Variants in LRP6 observed in about 807,000 individuals in gnomAD.
The protein encoded by LRP6 is LDL receptor related protein 6, also known as low-density lipoprotein receptor-related protein 6.
Under a neutral mutation model 184.1 loss-of-function variants are expected in LRP6, and 43 were observed. The observed-to-expected ratio is 0.23, with a 90% CI of 0.18 to 0.30. The LOEUF is 0.30. Ranked by LOEUF, LRP6 falls within the 10% of genes least tolerant of loss-of-function variation. The pLI, the probability that LRP6 is intolerant of heterozygous loss-of-function variation, is 1.00. For missense variants in LRP6, 1,571 were observed against 2,005.3 expected, an observed-to-expected ratio of 0.78 and a Z score of 4.14; for synonymous variants, 719 against 684.9, an observed-to-expected ratio of 1.05 and a Z score of -0.78.
At chr12:12,235,779 C>T (rs1864916853) in intron 2 of LRP6, among the ~76,000 whole-genome samples, 1 of 151,554 alleles carries the variant, frequency 6.6e-6, no homozygotes, top group South Asian at 2.1e-4. Flanking sequence ...AAAGAGCATA[C>T]CTAGTTTCCA....
intron 16 of LRP6, among the ~76,000 whole-genome samples, chr12:12,136,269 TATTA>T (rs1157892394): frequency 1.3e-5 from 2 of 152,304 alleles, no homozygotes; most frequent in African/African-American, 4.8e-5. Flanking sequence ...AATTCTCCTA[TATTA>T]AGATTTTTAA....
At position 12,267,000 on chromosome 12, in the gene LRP6, C is replaced by G. The variant is rs1329205893; in HGVS notation, c.-265G>C. On this transcript the variant is annotated 5_prime_UTR_variant, in exon 1 of 23. Transcript: ENST00000261349. ...CCCCCGGCGCCCCGCTTCCCCCGCG[C>G]AGCTCCTCATTCAGCCTCTGCCTCG... 1.9e-6 allele frequency: 1 copy of G among 523,740 alleles called. No individual in the cohort carries two copies. Among genetic ancestry groups the G allele is most frequent in the East Asian group, 3.5e-5 (1 of 28,692 alleles). 32.4% of individuals were successfully genotyped at this position (523,740 alleles called of 1,614,324 possible).
At chr12:12,160,157 C>T (rs1862706297) in intron 10 of LRP6, among the ~76,000 whole-genome samples, 193 bp from the exon 11 acceptor site, 1 of 151,942 alleles carries the variant, frequency 6.6e-6, no homozygotes, top group Non-Finnish European at 1.5e-5. Context: ...TTCCATATCC[C>T]AAAAAGGAAG....
At chr12:12,164,919 TAAAAAAAAAAAAAAAAAAAAAAA>T (rs58540250) in intron 8 of LRP6, among the ~76,000 whole-genome samples, 137 bp downstream of exon 8, 5 of 57,074 alleles carry the variant, frequency 8.8e-5, no homozygotes, top group Non-Finnish European at 1.4e-4. Flanking sequence ...CCCTTCTCAG[TAAAAAAAAAAAAAAAAAAAAAAA>T]AAAAAAAAAA....
chr12:12,252,564 C>T (rs576565460), intron 1 of LRP6, among the ~76,000 whole-genome samples: 2 of 152,180 alleles, frequency 1.3e-5, no homozygotes, highest in South Asian at 4.2e-4. Flanking sequence ...CCTCATTGTC[C>T]ATGTCTATTA....
Position 12,135,318 on chromosome 12 carries a change from G to A in LRP6, c.3608-18C>T, listed in dbSNP as rs780830479. ...GTGCTGTCCTGCAAAGAGAAGAGGT[G>A]AGGATGGGGAGAGGAGGGGGAGTGG... is the stretch of plus-strand genomic sequence containing the variant. On this transcript the variant is annotated intron_variant, in intron 16 of 22. Coordinates refer to ENST00000261349, the MANE Select transcript of LRP6 (RefSeq NM_002336.3). 1 of 1,604,104 alleles carries A rather than the reference G, an allele frequency of 6.2e-7. No homozygotes were observed.
chr12:12,164,646 G>A (rs1404366313), intron 8 of LRP6, 84 bp from the exon 9 acceptor site: 53 of 1,358,276 alleles, frequency 3.9e-5, no homozygotes, highest in Middle Eastern at 1.8e-4. Flanking sequence ...TTACTTAAGC[G>A]TTTGGTTCAC....
At position 12,165,155 on chromosome 12, in the gene LRP6, A is replaced by G. The variant is rs752677815; in HGVS notation, c.1686T>C (p.Ser562=). 1.9e-6 allele frequency: 3 copies of G among 1,614,074 alleles called. No homozygotes were observed. The highest frequency in any genetic ancestry group is 2.7e-5 in the African/African-American group (2 of 75,032). ...RRSIERVHKR[S]AEREVIIDQL... is the part of the protein sequence containing the mutation. ...GATCTATGATCACTTCCCTCTCTGC[A>G]CTTCGTTTATGAACTCTTTCAATGC... is the stretch of plus-strand genomic sequence containing the variant. Residue 562 remains serine (S), a synonymous_variant, in exon 8 of 23, where the codon AGT becomes AGC. Transcript: ENST00000261349.
At chr12:12,150,782 G>C in intron 13 of LRP6, 54 bp downstream of exon 13, 1 of 1,575,042 alleles carries the variant, frequency 6.3e-7, no homozygotes, top group Non-Finnish European at 8.7e-7. Flanking sequence ...AGAGTGGTTG[G>C]TGAGTCCAGT....
chr12:12,263,276 A>AAAAAAG lies in LRP6; in HGVS notation c.55+3404_55+3405insCTTTTT, dbSNP rs1555129101. ...GCGAAACTCTGTCTTTAAAAAAAAA[A>AAAAAAG]AAAGAATGTGTGAATCTGGCCGGGC... On this transcript the variant is annotated intron_variant, in intron 1 of 22. Coordinates refer to ENST00000261349, the MANE Select transcript of LRP6 (RefSeq NM_002336.3). 4.1e-5 allele frequency among the ~76,000 whole-genome samples: 6 copies of AAAAAAG among 146,222 alleles called. 1 individual carries two copies. The highest frequency in any genetic ancestry group is 7.5e-5 in the Non-Finnish European group (5 of 66,870).
intron 2 of LRP6, among the ~76,000 whole-genome samples, chr12:12,211,968 A>G (rs779657304): frequency 1.3e-5 from 2 of 152,150 alleles, no homozygotes; most frequent in Non-Finnish European, 2.9e-5. Context: ...GAGCGCCTCT[A>G]AGTTTAATAA....
chr12:12,221,791 A>T (rs1256259170), intron 2 of LRP6, among the ~76,000 whole-genome samples: 1 of 152,228 alleles, frequency 6.6e-6, no homozygotes, highest in East Asian at 1.9e-4. Context: ...AATATTAGCT[A>T]ATCATTAAGC....
intron 2 of LRP6, among the ~76,000 whole-genome samples, chr12:12,209,016 C>G (rs917084533): frequency 6.6e-6 from 1 of 152,194 alleles, no homozygotes; most frequent in Non-Finnish European, 1.5e-5. Context: ...TATCTTTAAA[C>G]AAACAAGTGT....
At chr12:12,230,633 C>T (rs546824695) in intron 2 of LRP6, among the ~76,000 whole-genome samples, 131 of 151,882 alleles carry the variant, frequency 8.6e-4, no homozygotes, top group African/African-American at 3.0e-3. Context: ...ATGAATAATC[C>T]TCAACTATCA....
At chr12:12,142,409 C>T (rs113190507) in intron 15 of LRP6, among the ~76,000 whole-genome samples, 2 of 152,132 alleles carry the variant, frequency 1.3e-5, no homozygotes, top group African/African-American at 2.4e-5. Context: ...CTGGAACCAA[C>T]AAGGAAAAGA....
At chr12:12,126,647 G>C in intron 20 of LRP6, 44 bp downstream of exon 20, 1 of 1,463,992 alleles carries the variant, frequency 6.8e-7, no homozygotes, top group South Asian at 1.1e-5. Context: ...TGGCAGTCTT[G>C]CAGGACCAAA....
chr12:12,123,544 A>G (rs1949632060), intron 22 of LRP6, among the ~76,000 whole-genome samples: 1 of 152,228 alleles, frequency 6.6e-6, no homozygotes, highest in Admixed American at 6.5e-5. Context: ...GATAGAAGAT[A>G]GAAAAGATTA....
At chr12:12,147,120 CA>C (rs1191684542) in intron 15 of LRP6, among the ~76,000 whole-genome samples, 1 of 149,914 alleles carries the variant, frequency 6.7e-6, no homozygotes. Context: ...GACTCCGTCT[CA>C]AAAAAAAAGA....
intron 6 of LRP6, among the ~76,000 whole-genome samples, 185 bp downstream of exon 6, chr12:12,180,858 G>T (rs910958178): frequency 4.6e-5 from 7 of 151,982 alleles, no homozygotes; most frequent in Middle Eastern, 3.2e-3. Flanking sequence ...AGACATCCAA[G>T]GCAAAAAACT....
Sources: allele counts gnomAD v4.1 joint callset (sites outside exome capture counted in the v4.1 genomes callset), GRCh38; gene constraint gnomAD v4.1.1; transcripts MANE v1.5; gene names NCBI Gene and HGNC (gene_info 2026-07-23, HGNC 2026-07-21).